COG5: variants seen among roughly 807,000 people sequenced by gnomAD.
COG5 encodes component of oligomeric golgi complex 5, also known as conserved oligomeric Golgi complex subunit 5.
Under a neutral mutation model 110.4 loss-of-function variants are expected in COG5, and 86 were observed. That is an observed-to-expected ratio of 0.78 (90% confidence interval 0.65 to 0.93). COG5 has a LOEUF of 0.93. Among genes scored for constraint, COG5 ranks in the 40% least tolerant of loss-of-function variants. The pLI, the probability that COG5 is intolerant of heterozygous loss-of-function variation, is 0.00. For missense variants in COG5, 1,077 were observed against 987.0 expected, an observed-to-expected ratio of 1.09 and a Z score of -1.22; for synonymous variants, 360 against 334.6, an observed-to-expected ratio of 1.08 and a Z score of -0.83.
chr7:107,530,718 T>C (rs565108631), intron 5 of COG5, among the ~76,000 whole-genome samples: 1 of 151,720 alleles, frequency 6.6e-6, no homozygotes, highest in South Asian at 2.1e-4. Flanking sequence ...TACCATTTAA[T>C]AAAATCCTTA....
chr7:107,284,851 A>G (rs1805495043), intron 12 of COG5, among the ~76,000 whole-genome samples: 1 of 152,096 alleles, frequency 6.6e-6, no homozygotes, highest in Non-Finnish European at 1.5e-5. Flanking sequence ...CAATCCTTCC[A>G]CCAGCTTTTG....
intron 14 of COG5, among the ~76,000 whole-genome samples, chr7:107,260,938 A>G (rs1803286070): frequency 1.3e-5 from 2 of 151,598 alleles, no homozygotes; most frequent in African/African-American, 4.8e-5. Context: ...CACTCTTGTC[A>G]TAGTTTTTTT....
At chr7:107,383,321 CTG>C (rs1183773948) in intron 7 of COG5, among the ~76,000 whole-genome samples, 1 of 152,028 alleles carries the variant, frequency 6.6e-6, no homozygotes, top group Non-Finnish European at 1.5e-5. Context: ...GGAAAGAAAA[CTG>C]GACCTGAGGG....
At chr7:107,258,575 C>A (rs1462797704) in intron 14 of COG5, 192 bp from the exon 15 acceptor site, 5 of 611,268 alleles carry the variant, frequency 8.2e-6, no homozygotes, top group Middle Eastern at 4.2e-4. Flanking sequence ...TGAGGTAAAA[C>A]CAGCAATCTG....
intron 7 of COG5, among the ~76,000 whole-genome samples, chr7:107,405,860 T>C (rs1791796172): frequency 6.6e-6 from 1 of 152,198 alleles, no homozygotes; most frequent in Non-Finnish European, 1.5e-5. Flanking sequence ...AGGGTGCCTT[T>C]GCTCCTTCTA....
chr7:107,435,781 C>G (rs1318154679), intron 6 of COG5, among the ~76,000 whole-genome samples: 1 of 152,082 alleles, frequency 6.6e-6, no homozygotes, highest in Non-Finnish European at 1.5e-5. Context: ...TATGGTCCAC[C>G]AATTCTACTT....
At chr7:107,400,311 A>AT (rs1205629634) in intron 7 of COG5, among the ~76,000 whole-genome samples, 2 of 152,186 alleles carry the variant, frequency 1.3e-5, no homozygotes, top group African/African-American at 4.8e-5. Flanking sequence ...AGCACACTGT[A>AT]TAACTCTAAT....
chr7:107,488,440 T>C (rs535450829), intron 6 of COG5, among the ~76,000 whole-genome samples: 1 of 152,340 alleles, frequency 6.6e-6, no homozygotes, highest in Admixed American at 6.5e-5. Context: ...TTGCTTTCTG[T>C]TATCTTTTAT....
intron 6 of COG5, among the ~76,000 whole-genome samples, chr7:107,464,947 T>C (rs142902646): frequency 6.6e-6 from 1 of 152,338 alleles, no homozygotes; most frequent in African/African-American, 2.4e-5. Context: ...GTGTCATTAC[T>C]TCATTCCTCA....
At chr7:107,447,708 G>C (rs923417421) in intron 6 of COG5, among the ~76,000 whole-genome samples, 1 of 152,272 alleles carries the variant, frequency 6.6e-6, no homozygotes, top group Admixed American at 6.5e-5. Context: ...TGGTAGTTTA[G>C]ATTAAATCCC....
At chr7:107,219,496 T>C (rs1333553904) in intron 19 of COG5, among the ~76,000 whole-genome samples, 1 of 152,290 alleles carries the variant, frequency 6.6e-6, no homozygotes, top group East Asian at 1.9e-4. Context: ...TAGAGTACTA[T>C]TCAGCCTTCA....
intron 7 of COG5, 58 bp from the exon 8 acceptor site, chr7:107,372,818 A>G (rs1814304116): frequency 6.5e-7 from 1 of 1,539,280 alleles, no homozygotes; most frequent in Non-Finnish European, 8.9e-7. Flanking sequence ...AAACAAAATC[A>G]ACATAAATAT....
At chr7:107,309,865 C>T (rs1808066887) in intron 11 of COG5, among the ~76,000 whole-genome samples, 1 of 152,078 alleles carries the variant, frequency 6.6e-6, no homozygotes, top group Non-Finnish European at 1.5e-5. Flanking sequence ...AGCTTTTATC[C>T]CTGTTCCTGC....
intron 7 of COG5, among the ~76,000 whole-genome samples, chr7:107,393,368 G>C (rs145943985): frequency 3.3e-5 from 5 of 152,102 alleles, no homozygotes; most frequent in Admixed American, 2.0e-4. Context: ...ACCCCATCAC[G>C]ATCTGTAGAA....
chr7:107,437,588 G>A (rs1794445143), intron 6 of COG5, among the ~76,000 whole-genome samples: 1 of 152,058 alleles, frequency 6.6e-6, no homozygotes, highest in Non-Finnish European at 1.5e-5. Flanking sequence ...GCTACTCTGT[G>A]ACAGTTGCTC....
intron 2 of COG5, among the ~76,000 whole-genome samples, chr7:107,555,795 T>A (rs546243923): frequency 6.6e-6 from 1 of 152,082 alleles, no homozygotes; most frequent in African/African-American, 2.4e-5. Flanking sequence ...GTGGATCATT[T>A]GAGGTCAGGA....
intron 6 of COG5, among the ~76,000 whole-genome samples, chr7:107,463,403 T>G (rs1563049729): frequency 6.6e-6 from 1 of 152,206 alleles, no homozygotes; most frequent in Non-Finnish European, 1.5e-5. Flanking sequence ...TCTTCCCTCC[T>G]GGGATGATAC....
At chr7:107,468,943 T>C (rs1796464628) in intron 6 of COG5, among the ~76,000 whole-genome samples, 1 of 151,576 alleles carries the variant, frequency 6.6e-6, no homozygotes, top group Admixed American at 6.6e-5. Flanking sequence ...AACAGGAACT[T>C]ATTTATAGGT....
chr7:107,351,654 A>G (rs1812149428), intron 10 of COG5, among the ~76,000 whole-genome samples: 1 of 152,258 alleles, frequency 6.6e-6, no homozygotes, highest in Admixed American at 6.5e-5. Flanking sequence ...AGCAAAGGAT[A>G]CGAACAGACA....
Sources: allele counts gnomAD v4.1 joint callset (sites outside exome capture counted in the v4.1 genomes callset), GRCh38; gene constraint gnomAD v4.1.1; transcripts MANE v1.5; gene names NCBI Gene and HGNC (gene_info 2026-07-23, HGNC 2026-07-21).